The following PLCL1 variants were observed in gnomAD, a reference collection of about 807,000 sequenced individuals.
PLCL1 encodes the protein phospholipase C like 1 (inactive).
A neutral mutation model predicts 84.4 loss-of-function variants in PLCL1; 41 were observed. The observed-to-expected ratio is 0.49, with a 90% CI of 0.38 to 0.63. The LOEUF is 0.63. PLCL1 is among the 30% of genes least tolerant of loss of function. The pLI is 0.00. For missense variants in PLCL1, 1,206 were observed against 1,367.8 expected, an observed-to-expected ratio of 0.88 and a Z score of 1.87; for synonymous variants, 490 against 488.3, an observed-to-expected ratio of 1.00 and a Z score of -0.05.
At chr2:197,853,880 A>T (rs1006972721) in intron 1 of PLCL1, among the ~76,000 whole-genome samples, 14 of 152,128 alleles carry the variant, frequency 9.2e-5, no homozygotes, top group African/African-American at 3.4e-4. Context: ...TATGTACTGA[A>T]ATATCTAATA....
intron 1 of PLCL1, among the ~76,000 whole-genome samples, chr2:198,027,933 A>G (rs563701205): frequency 6.6e-6 from 1 of 152,264 alleles, no homozygotes; most frequent in South Asian, 2.1e-4. Context: ...TCCTGAGCTC[A>G]AGTGATTCTC....
In PLCL1 at chr2:198,094,489, A is replaced by C. The variant is rs144980171; in HGVS notation, c.2919+5428A>C. On this transcript the variant is annotated intron_variant, in intron 3 of 5. Coordinates refer to ENST00000428675, the MANE Select transcript of PLCL1 (RefSeq NM_006226.4). ...ATTGACGTGGCAGAATTTCAGAAGA[A>C]AGGGAAGGCACACTCTCCCCTGTCT... Among the ~76,000 whole-genome samples, 8 of 143,244 alleles carry C rather than the reference A, an allele frequency of 5.6e-5. 1 individual carries two copies. The East Asian group carries it at 1.6e-3, about 28-fold the overall frequency. 94.0% of individuals were successfully genotyped at this position (143,244 alleles called of 152,430 possible). A position where few individuals can be genotyped will look rare whatever the true frequency, so the allele number is the denominator to read the frequency against.
intron 1 of PLCL1, among the ~76,000 whole-genome samples, chr2:197,838,997 T>A (rs1691244173): frequency 6.6e-6 from 1 of 152,252 alleles, no homozygotes; most frequent in African/African-American, 2.4e-5. Flanking sequence ...TACTATTCAA[T>A]GGAAAAGTAT....
chr2:198,136,073 TA>T, intron 5 of PLCL1, among the ~76,000 whole-genome samples: 1 of 152,324 alleles, frequency 6.6e-6, no homozygotes, highest in African/African-American at 2.4e-5. Flanking sequence ...TCCTGGCTTT[TA>T]TTGTCGCATT....
intron 1 of PLCL1, among the ~76,000 whole-genome samples, chr2:197,895,633 G>GT (rs906344975): frequency 1.3e-5 from 2 of 151,848 alleles, no homozygotes; most frequent in Non-Finnish European, 2.9e-5. Context: ...TCTGGAAACA[G>GT]TTTTTTTGCA....
At chr2:197,826,833 G>A (rs940138552) in intron 1 of PLCL1, among the ~76,000 whole-genome samples, 3 of 152,060 alleles carry the variant, frequency 2.0e-5, no homozygotes, top group African/African-American at 7.2e-5. Flanking sequence ...AATATACCTA[G>A]GCCTGGATAT....
At chr2:197,897,101 T>C (rs533845032) in intron 1 of PLCL1, among the ~76,000 whole-genome samples, 61 of 37,668 alleles carry the variant, frequency 1.6e-3, no homozygotes, top group African/African-American at 8.3e-3. Context: ...TATGACTCCT[T>C]CTTCTTCTTC....
In PLCL1 at chr2:198,085,692, C is replaced by G; in HGVS notation, c.2175C>G (p.Ile725Met). The change falls in exon 2 of 6, where the codon ATC becomes ATG. Residue 725 changes from isoleucine (I) to methionine (M), a missense_variant. Ile to Met is a conservative substitution (Grantham distance 10). Coordinates refer to ENST00000428675, the MANE Select transcript of PLCL1 (RefSeq NM_006226.4). The surrounding 1 kb of genome is among the most constrained non-coding windows in gnomAD (Gnocchi z 5.3). ...GGGTGTCTCCTCTAGCTCTTCATAT[C>G]AAGATCATCAGTGGTCAGAATTTCC... ...LPGVSPLALH[I>M]KIISGQNFPK... 6.2e-7 allele frequency: 1 copy of G among 1,614,128 alleles called. No individual in the cohort carries two copies. The highest frequency in any genetic ancestry group is 8.5e-7 in the Non-Finnish European group (1 of 1,179,978).
At chr2:198,006,888 C>T (rs1026186239) in intron 1 of PLCL1, among the ~76,000 whole-genome samples, 3 of 152,154 alleles carry the variant, frequency 2.0e-5, no homozygotes, top group Non-Finnish European at 4.4e-5. Flanking sequence ...TCTAAAGGCA[C>T]CTGCTTTCAT....
At chr2:198,094,380 A>C (rs973773996) in intron 3 of PLCL1, among the ~76,000 whole-genome samples, 3 of 152,284 alleles carry the variant, frequency 2.0e-5, no homozygotes, top group South Asian at 4.1e-4. Context: ...CTTTTAAATT[A>C]GTCTTGCAAT....
At chr2:198,017,681 T>A (rs1691030452) in intron 1 of PLCL1, among the ~76,000 whole-genome samples, 1 of 152,238 alleles carries the variant, frequency 6.6e-6, no homozygotes, top group Non-Finnish European at 1.5e-5. Context: ...CTTTTGCCAA[T>A]AGGCACACAT....
At chr2:198,145,345 C>T (rs893183154) in intron 5 of PLCL1, among the ~76,000 whole-genome samples, 2 of 152,168 alleles carry the variant, frequency 1.3e-5, no homozygotes, top group Non-Finnish European at 2.9e-5. Context: ...TCTTTAGGCT[C>T]TAATCTCTAG....
chr2:197,890,701 T>TATATATATATATAGATATATATACAC (rs11270566), intron 1 of PLCL1, among the ~76,000 whole-genome samples: 1 of 118,544 alleles, frequency 8.4e-6, no homozygotes, highest in African/African-American at 3.8e-5. Flanking sequence ...TATATATATA[T>TATATATATATATAGATATATATACAC]ACACACACAC....
chr2:198,116,493 A>G (rs1306542950), intron 5 of PLCL1, among the ~76,000 whole-genome samples: 6 of 151,902 alleles, frequency 3.9e-5, no homozygotes, highest in Admixed American at 3.9e-4. Context: ...GAGATTAATT[A>G]TAGATTCTTT....
chr2:198,085,727 AGGGAGCTTGT>A lies in PLCL1; in HGVS notation c.2212_2221del (p.Gly738ProfsTer6). The A allele has an allele frequency of 2.5e-6, 4 of 1,614,182 alleles. No homozygotes were observed. The highest frequency in any genetic ancestry group is 3.4e-6 in the Non-Finnish European group (4 of 1,179,998). Reference sequence around the variant, plus strand: ...AGTGGTCAGAATTTCCCAAAGCCCAAGGGAGCTTGTGCCAAAGGGGATGTCATAGATCCCT... The same window carrying A: ...AGTGGTCAGAATTTCCCAAAGCCCAAGCCAAAGGGGATGTCATAGATCCCT... On this transcript the variant is annotated frameshift_variant, in exon 2 of 6. Coordinates refer to ENST00000428675, the MANE Select transcript of PLCL1 (RefSeq NM_006226.4). LOFTEE classifies it high-confidence loss of function. This position sits in a 1 kb window ranked among gnomAD's most constrained non-coding sequence, Gnocchi z 5.3.
chr2:197,806,359 A>G lies in PLCL1; in HGVS notation c.240+1020A>G, dbSNP rs116947984. On this transcript the variant is annotated intron_variant, in intron 1 of 5. Transcript: ENST00000428675. ...TGGACTTTTACTTACTATTGAATTT[A>G]TTGGGTTCACTAATATATTCAAAAG... Among the ~76,000 whole-genome samples, 195 of 152,304 alleles carry G rather than the reference A, an allele frequency of 1.3e-3. 6 individuals are homozygous for G. In the East Asian group the frequency reaches 0.03, roughly 23 times the overall value.
chr2:198,088,555 C>T (rs941478425), intron 2 of PLCL1, among the ~76,000 whole-genome samples: 1 of 152,180 alleles, frequency 6.6e-6, no homozygotes, highest in Non-Finnish European at 1.5e-5. Flanking sequence ...ACAACCCCTG[C>T]CATTCTGTTT....
chr2:197,872,935 A>T (rs894925791), intron 1 of PLCL1, among the ~76,000 whole-genome samples: 21 of 152,098 alleles, frequency 1.4e-4, no homozygotes, highest in African/African-American at 5.1e-4. Context: ...ATCTTATTTG[A>T]TCATCATGGC....
At chr2:198,034,398 T>C (rs952555335) in intron 1 of PLCL1, among the ~76,000 whole-genome samples, 2 of 152,150 alleles carry the variant, frequency 1.3e-5, no homozygotes, top group Non-Finnish European at 2.9e-5. Context: ...GGATTATAAA[T>C]CATGCTGCTA....
Sources: gnomAD v4.1 joint callset for allele counts (sites outside exome capture counted in the v4.1 genomes callset) on GRCh38, gnomAD v4.1.1 for gene constraint, Gnocchi (gnomAD v3.1) non-coding constraint, MANE v1.5 for transcripts, NCBI Gene and HGNC (gene_info 2026-07-23, HGNC 2026-07-21) for gene names.